The following RPGRIP1 variants were observed in gnomAD, a reference collection of about 807,000 sequenced individuals.
RPGRIP1 encodes the protein X-linked retinitis pigmentosa GTPase regulator-interacting protein 1.
RPGRIP1 carries 128 observed loss-of-function variants against 157.9 expected under a neutral mutation model. That is an observed-to-expected ratio of 0.81 (90% CI 0.70 to 0.94). The LOEUF (loss-of-function observed/expected upper bound fraction) is 0.94, where lower values mean the gene tolerates loss of function less well. RPGRIP1 is among the 40% of genes least tolerant of loss of function. The probability of loss-of-function intolerance (pLI) is 0.00; values close to 1 mark genes in which losing one functional copy is unlikely to be tolerated. For synonymous variants in RPGRIP1, 554 were observed against 571.6 expected (o/e 0.97, Z 0.44); for missense variants, 1,486 against 1,545.8 (o/e 0.96, Z 0.65).
chr14:21,303,762 C>T (rs946345613), intron 6 of RPGRIP1, among the ~76,000 whole-genome samples: 1 of 149,816 alleles, frequency 6.7e-6, no homozygotes, highest in Admixed American at 6.7e-5. Context: ...CGAGGCAGGC[C>T]GATCACCTGA....
At chr14:21,330,566 G>A (rs1469770590) in intron 20 of RPGRIP1, among the ~76,000 whole-genome samples, 179 bp downstream of exon 20, 9 of 151,310 alleles carry the variant, frequency 5.9e-5, no homozygotes, top group African/African-American at 9.7e-5. Flanking sequence ...CGTGGGCGGC[G>A]GAGGCAGGAG....
intron 18 of RPGRIP1, 83 bp downstream of exon 18, chr14:21,327,890 T>C (rs1883279640): frequency 9.0e-7 from 1 of 1,109,760 alleles, no homozygotes; most frequent in Non-Finnish European, 1.3e-6. Context: ...ATAGTTGAAG[T>C]AGGTGCAGTG....
chr14:21,305,043 C>A (rs969515922), intron 6 of RPGRIP1, among the ~76,000 whole-genome samples: 1 of 152,180 alleles, frequency 6.6e-6, no homozygotes, highest in Non-Finnish European at 1.5e-5. Context: ...ACCTCGTAAT[C>A]CGCCTGTCTC....
At chr14:21,318,479 G>T (rs1882024996) in intron 11 of RPGRIP1, among the ~76,000 whole-genome samples, 1 of 151,836 alleles carries the variant, frequency 6.6e-6, no homozygotes, top group African/African-American at 2.4e-5. Context: ...TGTTTGGTTT[G>T]GTTTGGTTTT....
At position 21,325,902 on chromosome 14, in the gene RPGRIP1, T is replaced by C. The variant is rs774802954; in HGVS notation, c.2439T>C (p.Ser813=). The change falls in exon 17 of 25, where the codon AGT becomes AGC. Residue 813 remains serine (S), a synonymous_variant. Transcript: ENST00000400017. The part of the protein sequence containing the change: ...IEITKCCGLR[S]RWLGTQPSPY... Reference sequence around the variant, plus strand: ...TCACCAAGTGCTGTGGCCTCCGGAGTCGATGGCTGGGAACTCAACCCAGTC... The same window carrying C: ...TCACCAAGTGCTGTGGCCTCCGGAGCCGATGGCTGGGAACTCAACCCAGTC... 159 of 1,613,626 alleles carry C rather than the reference T, an allele frequency of 9.9e-5. 1 individual carries two copies. Among genetic ancestry groups the C allele is most frequent in the Non-Finnish European group, 1.2e-4 (147 of 1,179,838 alleles).
intron 11 of RPGRIP1, among the ~76,000 whole-genome samples, chr14:21,318,816 A>G (rs148166697): frequency 2.6e-4 from 40 of 151,342 alleles, no homozygotes; most frequent in African/African-American, 8.5e-4. Context: ...TATCCTTCTC[A>G]TCATTTTAGA....
chr14:21,281,704 A>AAAAAAAAT (rs368706187), intron 1 of RPGRIP1, among the ~76,000 whole-genome samples: 9 of 133,996 alleles, frequency 6.7e-5, no homozygotes, highest in African/African-American at 2.7e-4. Flanking sequence ...AAAAAAAAAT[A>AAAAAAAAT]AATAATAATA....
At chr14:21,332,478 T>C (rs145973690) in intron 20 of RPGRIP1, among the ~76,000 whole-genome samples, 1 of 152,312 alleles carries the variant, frequency 6.6e-6, no homozygotes, top group African/African-American at 2.4e-5. Flanking sequence ...TCCATTCTTA[T>C]GATTTGCAGA....
At chr14:21,319,984 A>T (rs1882218219) in intron 11 of RPGRIP1, 33 bp from the exon 12 acceptor site, 1 of 1,582,394 alleles carries the variant, frequency 6.3e-7, no homozygotes, top group East Asian at 2.3e-5. Context: ...AAATAACTAC[A>T]GAATTTCACA....
chr14:21,301,210 G>A lies in RPGRIP1; in HGVS notation c.463G>A (p.Ala155Thr), dbSNP rs2139156850. The A allele has an allele frequency of 6.3e-7, 1 of 1,592,274 alleles. No homozygotes were observed. ...ACACAGACAGCTCCACACAGCCGGT[G>A]CACCGGTGCCGGAGAAACCCAAGAG... ...VGHRQLHTAG[A>T]PVPEKPKRGP... Residue 155 changes from alanine (A) to threonine (T), a missense_variant, in exon 4 of 25, where the codon GCA becomes ACA. Physicochemically the swap from Ala to Thr is moderately conservative, Grantham distance 58. Transcript: ENST00000400017.
intron 7 of RPGRIP1, among the ~76,000 whole-genome samples, chr14:21,309,515 G>A (rs1298516636): frequency 2.6e-5 from 4 of 151,852 alleles, no homozygotes; most frequent in African/African-American, 9.6e-5. Context: ...CTCAAAAAAA[G>A]AAAAAAGAAA....
intron 2 of RPGRIP1, among the ~76,000 whole-genome samples, chr14:21,290,773 C>T (rs1336472923): frequency 2.0e-5 from 3 of 148,016 alleles, no homozygotes; most frequent in South Asian, 2.1e-4. Context: ...GAGCCGAGAT[C>T]GCGCCACTGC....
At chr14:21,319,839 C>T (rs1002908059) in intron 11 of RPGRIP1, among the ~76,000 whole-genome samples, 178 bp from the exon 12 acceptor site, 1 of 152,132 alleles carries the variant, frequency 6.6e-6, no homozygotes, top group African/African-American at 2.4e-5. Flanking sequence ...GTAGTATCAC[C>T]TCAGTTTACT....
chr14:21,307,102 C>G, intron 6 of RPGRIP1, among the ~76,000 whole-genome samples: 1 of 152,014 alleles, frequency 6.6e-6, no homozygotes, highest in East Asian at 1.9e-4. Context: ...GACAGAATCT[C>G]ACTCTGTTGC....
At chr14:21,343,320 C>A in intron 22 of RPGRIP1, 92 bp downstream of exon 22, 1 of 937,166 alleles carries the variant, frequency 1.1e-6, no homozygotes, top group Non-Finnish European at 1.6e-6. Flanking sequence ...TGGGGTGAAT[C>A]CAGCCATTTC....
chr14:21,348,299 G>C lies in RPGRIP1; in HGVS notation c.3745G>C (p.Asp1249His). 4.5e-6 allele frequency: 7 copies of C among 1,561,394 alleles called. No individual in the cohort carries two copies. The highest frequency in any genetic ancestry group is 6.0e-6 in the Non-Finnish European group (7 of 1,158,680). ...AAGAGATATTCTAGAGCAAGAGCTA[G>C]ACAGTGAGTCATTTTTTTTTCAGTT... ...SGRDILEQEL[D>H]IVSPEDLATP... The change falls in exon 24 of 25, where the codon GAC becomes CAC. Residue 1249 changes from aspartate to histidine, a missense_variant. Coordinates refer to ENST00000400017, the MANE Select transcript of RPGRIP1 (RefSeq NM_020366.4).
chr14:21,338,686 T>C (rs1326272523), intron 21 of RPGRIP1, among the ~76,000 whole-genome samples: 1 of 152,252 alleles, frequency 6.6e-6, no homozygotes, highest in South Asian at 2.1e-4. Flanking sequence ...TTGTCAGTTC[T>C]GTATAGTCCA....
intron 6 of RPGRIP1, 134 bp from the exon 7 acceptor site, chr14:21,307,597 C>A (rs1881370973): frequency 1.6e-6 from 1 of 626,328 alleles, no homozygotes; most frequent in Admixed American, 2.9e-5. Flanking sequence ...ACACCACATA[C>A]TTGTGTTCTA....
At position 21,345,216 on chromosome 14, in the gene RPGRIP1, C is replaced by T. The variant is rs1362999705; in HGVS notation, c.3617+19C>T. On this transcript the variant is annotated intron_variant, in intron 23 of 24. Transcript: ENST00000400017. Reference sequence around the variant, plus strand: ...AAGGACAGTAAGCATCTGCTTTCCACTTTGAAACAAAGGAGATATTGAGAC... The same window carrying T: ...AAGGACAGTAAGCATCTGCTTTCCATTTTGAAACAAAGGAGATATTGAGAC... 2 of 1,577,446 alleles carry T rather than the reference C, an allele frequency of 1.3e-6. No individual in the cohort carries two copies. The highest frequency in any genetic ancestry group is 2.2e-5 in the East Asian group (1 of 44,606).
Sources: allele counts gnomAD v4.1 joint callset (sites outside exome capture counted in the v4.1 genomes callset), GRCh38; gene constraint gnomAD v4.1.1; transcripts MANE v1.5; gene names NCBI Gene and HGNC (gene_info 2026-07-23, HGNC 2026-07-21).